Variants in COL3A1 observed in about 807,000 individuals in gnomAD.
COL3A1 encodes collagen alpha-1(III) chain.
Under a neutral mutation model 200.9 loss-of-function variants are expected in COL3A1, and 46 were observed. That is an observed-to-expected ratio of 0.23 (90% CI 0.18 to 0.29). The LOEUF is 0.29. Among genes scored for constraint, COL3A1 ranks in the 10% least tolerant of loss-of-function variants. The pLI is 1.00. For synonymous variants in COL3A1, 650 were observed against 628.0 expected (o/e 1.03, Z -0.52); for missense variants, 1,367 against 1,917.6 (o/e 0.71, Z 5.36).
chr2:189,002,329 C>T lies in COL3A1; in HGVS notation c.2423C>T (p.Pro808Leu). 2 of 1,613,948 alleles carry T rather than the reference C, an allele frequency of 1.2e-6. No individual in the cohort carries two copies. Among genetic ancestry groups the T allele is most frequent in the Non-Finnish European group, 1.7e-6 (2 of 1,179,870 alleles). Residue 808 changes from proline (P) to leucine (L), a missense_variant, in exon 35 of 51, where the codon CCT becomes CTT. Pro to Leu is a moderately conservative substitution (Grantham distance 98, BLOSUM62 -3). Transcript: ENST00000304636. ...AGAGGTGAAACTGGCCCTCCAGGAC[C>T]TGCTGGTTTCCCTGGTGCTCCTGTA... ...GERGETGPPG[P>L]AGFPGAPGQN... is the part of the protein sequence containing the mutation.
chr2:189,008,754 T>G (rs1688651324), intron 47 of COL3A1, 170 bp from the exon 48 acceptor site: 3 of 669,704 alleles, frequency 4.5e-6, no homozygotes, highest in East Asian at 5.3e-5. Flanking sequence ...GTAGTTATTA[T>G]AAATCGGTGA....
chr2:189,006,142 C>A, intron 41 of COL3A1, 64 bp from the exon 42 acceptor site: 1 of 1,528,260 alleles, frequency 6.5e-7, no homozygotes, highest in Non-Finnish European at 9.1e-7. Flanking sequence ...GCTGAGAATG[C>A]ATGGATGAAA....
intron 28 of COL3A1, 27 bp downstream of exon 28, chr2:188,998,346 T>A: frequency 6.2e-7 from 1 of 1,600,942 alleles, no homozygotes; most frequent in Non-Finnish European, 8.6e-7. Context: ...TATTCAAAAC[T>A]CAGAAACAAA....
At chr2:188,990,179 G>A (rs1210929882) in intron 9 of COL3A1, 30 bp downstream of exon 9, 1 of 1,609,936 alleles carries the variant, frequency 6.2e-7, no homozygotes, top group Admixed American at 1.7e-5. Context: ...TAAATTAATT[G>A]GAATAATCTT....
chr2:188,976,364 A>G (rs1230149461), intron 1 of COL3A1, among the ~76,000 whole-genome samples: 1 of 152,106 alleles, frequency 6.6e-6, no homozygotes, highest in African/African-American at 2.4e-5. Flanking sequence ...TTAGATGCAA[A>G]AAATAATCAA....
chr2:189,007,644 G>A lies in COL3A1; in HGVS notation c.3363+37G>A, dbSNP rs766852348. The A allele has an allele frequency of 5.9e-6, 9 of 1,534,676 alleles. No individual in the cohort carries two copies. The African/African-American group carries it at 9.6e-5, about 16-fold the overall frequency. On this transcript the variant is annotated intron_variant, in intron 45 of 50. Transcript: ENST00000304636. Reference sequence around the variant, plus strand: ...CATTTTGTTGGAAAATCCCTTCAATGTATACAAATTTTAGAGATTAAGAGA... The same window carrying A: ...CATTTTGTTGGAAAATCCCTTCAATATATACAAATTTTAGAGATTAAGAGA...
chr2:189,007,544 T>C lies in COL3A1; in HGVS notation c.3300T>C (p.Arg1100=). ...GTGACAAAGGTGAAACAGGTGAACG[T>C]GGAGCTGCTGGCATCAAAGGACATC... ...PRGDKGETGE[R]GAAGIKGHRG... Residue 1100 remains arginine, a synonymous_variant, in exon 45 of 51, where the codon CGT becomes CGC. Transcript: ENST00000304636. The C allele has an allele frequency of 6.2e-7, 1 of 1,613,840 alleles. No individual in the cohort carries two copies. Among genetic ancestry groups the C allele is most frequent in the Non-Finnish European group, 8.5e-7 (1 of 1,179,874 alleles).
intron 25 of COL3A1, 45 bp from the exon 26 acceptor site, chr2:188,997,291 T>C (rs1688349332): frequency 2.5e-6 from 4 of 1,613,004 alleles, no homozygotes; most frequent in East Asian, 2.2e-5. Flanking sequence ...GACTTCTCTC[T>C]GTAATCTGTA....
rs1687848406 is a variant in COL3A1 at position 188,977,539 on chromosome 2, C to G, written c.79+2971C>G. Among the ~76,000 whole-genome samples the G allele has an allele frequency of 2.0e-5, 3 of 152,026 alleles. No homozygotes were observed. The South Asian group carries it at 6.2e-4, about 31-fold the overall frequency. ...TGAACTAACAGGAAAAGGTTACATACATTTAGGAACAATTGCACTTTTAAA... is the reference window on the plus strand; with the variant it reads ...TGAACTAACAGGAAAAGGTTACATAGATTTAGGAACAATTGCACTTTTAAA... On this transcript the variant is annotated intron_variant, in intron 1 of 50. Coordinates refer to ENST00000304636, the MANE Select transcript of COL3A1 (RefSeq NM_000090.4).
intron 1 of COL3A1, among the ~76,000 whole-genome samples, chr2:188,978,756 CAAA>C (rs55694521): frequency 2.4e-4 from 21 of 87,770 alleles, no homozygotes; most frequent in Non-Finnish European, 2.6e-4. Context: ...TTTCCACACT[CAAA>C]AAAAAAAAAA....
chr2:188,978,741 C>T (rs1355945924), intron 1 of COL3A1, among the ~76,000 whole-genome samples: 1 of 133,698 alleles, frequency 7.5e-6, no homozygotes, highest in African/African-American at 2.9e-5. Context: ...AGCTCAATCC[C>T]ATTGTTTCCA....
chr2:188,993,014 A>G, intron 15 of COL3A1, 74 bp downstream of exon 15: 4 of 1,401,372 alleles, frequency 2.9e-6, no homozygotes, highest in Non-Finnish European at 4.1e-6. Flanking sequence ...TGCTTCTTGC[A>G]ACTGATTTTT....
At chr2:188,992,786 A>C in intron 14 of COL3A1, 101 bp from the exon 15 acceptor site, 1 of 923,314 alleles carries the variant, frequency 1.1e-6, no homozygotes, top group Non-Finnish European at 1.8e-6. Context: ...TTTTATCTGC[A>C]TAAATATCTT....
At position 189,002,349 on chromosome 2, in the gene COL3A1, C is replaced by T; in HGVS notation, c.2443C>T (p.Pro815Ser). The T allele has an allele frequency of 6.2e-7, 1 of 1,613,590 alleles. No individual in the cohort carries two copies. The highest frequency in any genetic ancestry group is 1.1e-5 in the South Asian group (1 of 91,064). Residue 815 changes from proline (P) to serine (S), a missense_variant and splice_region_variant, in exon 35 of 51, where the codon CCT (proline) becomes TCT (serine). Physicochemically the swap from Pro to Ser is moderately conservative, Grantham distance 74 (BLOSUM62 -1). Coordinates refer to ENST00000304636, the MANE Select transcript of COL3A1 (RefSeq NM_000090.4). ...AGGACCTGCTGGTTTCCCTGGTGCT[C>T]CTGTAAGTGTGAATATTTATACATA... ...PPGPAGFPGA[P>S]GQNGEPGGKG... is the part of the protein sequence containing the mutation.
Position 188,990,927 on chromosome 2 carries a change from A to C in COL3A1, c.799-77A>C, listed in dbSNP as rs929844766. On this transcript the variant is annotated intron_variant, in intron 10 of 50. Coordinates refer to ENST00000304636, the MANE Select transcript of COL3A1 (RefSeq NM_000090.4). ...AGTGTTATGAAGACCAATTAGAAAA[A>C]TACCATGTAAACTTTATCAATCATT... is the stretch of plus-strand genomic sequence containing the variant. 1.7e-5 allele frequency: 25 copies of C among 1,461,176 alleles called. No individual in the cohort carries two copies. In the East Asian group the frequency reaches 5.2e-4, roughly 31 times the overall value. The allele number at this position is 1,461,176 out of a possible 1,614,324, so 90.5% of individuals were successfully genotyped here.
In COL3A1 at chr2:188,997,077, A is replaced by G. The variant is rs964971424; in HGVS notation, c.1762-88A>G. ...TATGAGACATATATATATGAGACAT[A>G]TATATATGAGACATATATATATGAG... On this transcript the variant is annotated intron_variant, in intron 24 of 50. Transcript: ENST00000304636. 2.1e-5 allele frequency: 13 copies of G among 626,186 alleles called. No individual in the cohort carries two copies. The Admixed American group carries it at 2.6e-4, about 13-fold the overall frequency. 38.8% of individuals were successfully genotyped at this position (626,186 alleles called of 1,614,324 possible).
rs1688515096 is a variant in COL3A1, at chr2:189,003,428, A to G, written c.2571A>G (p.Gln857=). ...TCATATAGGGTCCTCCTGGTCCCCAAGGTGTCAAAGGTGAACGTGGCAGTC... is the reference window on the plus strand; with the variant it reads ...TCATATAGGGTCCTCCTGGTCCCCAGGGTGTCAAAGGTGAACGTGGCAGTC... The part of the protein sequence containing the change: ...GSGPAGPPGP[Q]GVKGERGSPG... Residue 857 remains glutamine (Q), a synonymous_variant, in exon 37 of 51, where the codon CAA becomes CAG. Transcript: ENST00000304636. The G allele has an allele frequency of 3.1e-6, 5 of 1,613,538 alleles. No homozygotes were observed. Among genetic ancestry groups the G allele is most frequent in the Non-Finnish European group, 4.2e-6 (5 of 1,179,776 alleles).
At chr2:189,008,865 A>T (rs1296771132) in intron 47 of COL3A1, 59 bp from the exon 48 acceptor site, 1 of 1,528,466 alleles carries the variant, frequency 6.5e-7, no homozygotes, top group Non-Finnish European at 9.1e-7. Flanking sequence ...CTAGCAATGT[A>T]TTCTTAGAGT....
Position 189,001,556 on chromosome 2 carries a change from A to G in COL3A1, c.2358A>G (p.Gly786=), listed in dbSNP as rs1207914999. The change falls in exon 34 of 51, where the codon GGA becomes GGG. Residue 786 remains glycine, a synonymous_variant. Transcript: ENST00000304636. ...PGDKGEGGAP[G]LPGIAGPRGS... ...TCCAGGGTGAAGGTGGTGCCCCCGGACTTCCAGGTATAGCTGGACCTCGTG... is the reference window on the plus strand; with the variant it reads ...TCCAGGGTGAAGGTGGTGCCCCCGGGCTTCCAGGTATAGCTGGACCTCGTG... The G allele has an allele frequency of 3.7e-6, 6 of 1,614,044 alleles. No homozygotes were observed. Among genetic ancestry groups the G allele is most frequent in the Non-Finnish European group, 5.1e-6 (6 of 1,179,982 alleles).
Sources: allele counts gnomAD v4.1 joint callset (sites outside exome capture counted in the v4.1 genomes callset), GRCh38; gene constraint gnomAD v4.1.1; transcripts MANE v1.5; gene names NCBI Gene and HGNC (gene_info 2026-07-23, HGNC 2026-07-21).